Variants in CCDC178 observed in about 807,000 individuals in gnomAD.
The protein encoded by CCDC178 is coiled-coil domain-containing protein 178.
Under a neutral mutation model 117.4 loss-of-function variants are expected in CCDC178, and 126 were observed. The observed-to-expected ratio is 1.07, with a 90% CI of 0.93 to 1.24. CCDC178 has a LOEUF of 1.24. Ranked by LOEUF, CCDC178 falls within the 50% of genes most tolerant of loss-of-function variation. The pLI is 0.00. For missense variants in CCDC178, 1,030 were observed against 986.9 expected (o/e 1.04, Z -0.59); for synonymous variants, 283 against 313.4 (o/e 0.90, Z 1.02).
At chr18:33,151,560 G>T (rs984212519) in intron 20 of CCDC178, among the ~76,000 whole-genome samples, 11 of 152,090 alleles carry the variant, frequency 7.2e-5, no homozygotes, top group Non-Finnish European at 1.2e-4. Context: ...ATGTAAATGA[G>T]AATATTTTCT....
At position 33,019,218 on chromosome 18, in the gene CCDC178, A is replaced by C. The variant is rs538113231; in HGVS notation, c.2389-44537T>G. On this transcript the variant is annotated intron_variant, in intron 21 of 22. Transcript: ENST00000383096. ...TAAATGAATGAATAAACAGAAGCTG[A>C]AAATCCAATGTTGGCAGAAGGCTGG... Among the ~76,000 whole-genome samples, 4 of 152,342 alleles carry C rather than the reference A, an allele frequency of 2.6e-5. No individual in the cohort carries two copies. In the East Asian group the frequency reaches 7.7e-4, roughly 29 times the overall value.
In CCDC178 at chr18:33,293,274, T is replaced by C; in HGVS notation, c.1061A>G (p.Tyr354Cys). Residue 354 changes from tyrosine (Y) to cysteine (C), a missense_variant, in exon 12 of 23, where the codon TAC becomes TGC. Physicochemically the swap from Tyr to Cys is radical, Grantham distance 194 (BLOSUM62 -2). Coordinates refer to ENST00000383096, the MANE Select transcript of CCDC178 (RefSeq NM_001105528.4). Reference sequence around the variant, plus strand: ...ATTAACATTTATCACTGATGAAGAGTAATGATCAAATAGACTGTTAAGTTG... The same window carrying C: ...ATTAACATTTATCACTGATGAAGAGCAATGATCAAATAGACTGTTAAGTTG... ...IYQLNSLFDH[Y>C]SSSVINVNTN... 1 of 1,544,082 alleles carries C rather than the reference T, an allele frequency of 6.5e-7. No homozygotes were observed. Among genetic ancestry groups the C allele is most frequent in the South Asian group, 1.2e-5 (1 of 86,796 alleles).
At chr18:33,212,387 G>A (rs1403864189) in intron 19 of CCDC178, among the ~76,000 whole-genome samples, 2 of 151,980 alleles carry the variant, frequency 1.3e-5, no homozygotes, top group Non-Finnish European at 2.9e-5. Flanking sequence ...CCAGGGGCGA[G>A]AAGCTATATT....
chr18:33,365,002 C>A lies in CCDC178; in HGVS notation c.348+5048G>T, dbSNP rs139904015. Among the ~76,000 whole-genome samples the A allele has an allele frequency of 9.0e-4, 136 of 151,892 alleles. 2 individuals are homozygous for A. In the East Asian group the frequency reaches 0.025, roughly 27 times the overall value. On this transcript the variant is annotated intron_variant, in intron 6 of 22. Transcript: ENST00000383096. ...GACCATCAGAGATATTTGGGGTTGG[C>A]ATTTTGTCAGACTAGAAGGATGACA...
intron 20 of CCDC178, among the ~76,000 whole-genome samples, chr18:33,198,677 T>C (rs767973334): frequency 2.6e-4 from 40 of 152,206 alleles, no homozygotes; most frequent in Non-Finnish European, 5.0e-4. Context: ...TATATACTTA[T>C]AATAACTTAA....
intron 12 of CCDC178, among the ~76,000 whole-genome samples, chr18:33,275,050 T>C (rs1421138245): frequency 1.3e-5 from 2 of 152,030 alleles, no homozygotes; most frequent in East Asian, 1.9e-4. Flanking sequence ...TAAAATCAAA[T>C]AGTATGCCAT....
At chr18:33,292,085 T>C (rs1371032345) in intron 12 of CCDC178, among the ~76,000 whole-genome samples, 3 of 151,222 alleles carry the variant, frequency 2.0e-5, no homozygotes, top group Non-Finnish European at 4.4e-5. Context: ...GCTGGTTATA[T>C]ATCCAAAGAA....
intron 6 of CCDC178, 130 bp downstream of exon 6, chr18:33,369,920 G>A (rs2063273041): frequency 1.3e-6 from 1 of 752,188 alleles, no homozygotes. Context: ...ATGCAACTGA[G>A]CAAAGATTCT....
chr18:33,202,375 G>C, intron 20 of CCDC178, among the ~76,000 whole-genome samples: 1 of 101,428 alleles, frequency 9.9e-6, no homozygotes, highest in Non-Finnish European at 1.8e-5. Context: ...CCTGGCAACA[G>C]AGCAAGACTC....
intron 15 of CCDC178, among the ~76,000 whole-genome samples, chr18:33,230,603 T>C (rs2059358011): frequency 1.3e-5 from 2 of 152,210 alleles, no homozygotes; most frequent in Admixed American, 1.3e-4. Flanking sequence ...TTCTTTCAAA[T>C]TAAAAAGATG....
intron 20 of CCDC178, among the ~76,000 whole-genome samples, chr18:33,153,894 T>C (rs374211782): frequency 6.6e-6 from 1 of 151,986 alleles, no homozygotes; most frequent in African/African-American, 2.4e-5. Flanking sequence ...AAAAGTTACA[T>C]GGAAAGATGA....
intron 20 of CCDC178, among the ~76,000 whole-genome samples, chr18:33,113,992 A>C (rs557217432): frequency 6.6e-5 from 10 of 152,174 alleles, no homozygotes; most frequent in African/African-American, 2.4e-4. Context: ...GCATTATTAT[A>C]GATGCTATTT....
At chr18:32,976,920 T>G (rs915351025) in intron 21 of CCDC178, among the ~76,000 whole-genome samples, 1 of 152,150 alleles carries the variant, frequency 6.6e-6, no homozygotes, top group Non-Finnish European at 1.5e-5. Context: ...ACATCCTGAA[T>G]GAAGAGGCCA....
At chr18:33,237,417 G>A (rs529743305) in intron 15 of CCDC178, among the ~76,000 whole-genome samples, 40 of 152,256 alleles carry the variant, frequency 2.6e-4, no homozygotes, top group Middle Eastern at 3.4e-3. Flanking sequence ...TCTGCCCCTA[G>A]GCCAGCCAAG....
chr18:33,233,553 G>C (rs537333594), intron 15 of CCDC178, among the ~76,000 whole-genome samples: 23 of 151,904 alleles, frequency 1.5e-4, no homozygotes, highest in African/African-American at 4.6e-4. Context: ...AGACTTAAGA[G>C]TAAAATATGT....
intron 21 of CCDC178, among the ~76,000 whole-genome samples, chr18:33,021,963 T>C (rs550835072): frequency 2.6e-5 from 4 of 152,190 alleles, no homozygotes; most frequent in Admixed American, 6.5e-5. Flanking sequence ...AAAAATGTTC[T>C]AAAAGCAATA....
chr18:33,095,087 A>G (rs271477), intron 20 of CCDC178, among the ~76,000 whole-genome samples: 21,587 of 151,952 alleles, frequency 0.14, 2,380 homozygotes, highest in African/African-American at 0.31. Flanking sequence ...ATTGGTGGAA[A>G]TATGTGCAAG....
chr18:33,290,397 AT>A (rs1394116252), intron 12 of CCDC178, among the ~76,000 whole-genome samples: 1 of 152,152 alleles, frequency 6.6e-6, no homozygotes, highest in Non-Finnish European at 1.5e-5. Flanking sequence ...TCACTGTCTG[AT>A]TTTGCAAAGA....
At chr18:33,116,242 C>G (rs1047221870) in intron 20 of CCDC178, among the ~76,000 whole-genome samples, 2 of 151,992 alleles carry the variant, frequency 1.3e-5, no homozygotes, top group Admixed American at 1.3e-4. Context: ...ACTGTGGTGG[C>G]CAAATCTACT....
Sources: allele counts gnomAD v4.1 joint callset (sites outside exome capture counted in the v4.1 genomes callset), GRCh38; gene constraint gnomAD v4.1.1; transcripts MANE v1.5; gene names NCBI Gene and HGNC (gene_info 2026-07-23, HGNC 2026-07-21).